CTNNBL1: variants seen among roughly 807,000 people sequenced by gnomAD.
CTNNBL1 encodes the protein catenin beta like 1, also known as beta-catenin-like protein 1.
In CTNNBL1, 31 loss-of-function variants were observed where a neutral mutation model predicts 72.7. The ratio of observed to expected loss-of-function variants is 0.43; its 90% CI spans 0.32 to 0.58. The LOEUF is 0.58. Ranked by LOEUF, CTNNBL1 falls within the 20% of genes least tolerant of loss-of-function variation. CTNNBL1 has a pLI of 0.08. For missense variants in CTNNBL1, 534 were observed against 725.1 expected, an observed-to-expected ratio of 0.74 and a Z score of 3.03; for synonymous variants, 240 against 267.3, an observed-to-expected ratio of 0.90 and a Z score of 1.00.
chr20:37,725,979 G>A (rs1043585079), intron 1 of CTNNBL1, among the ~76,000 whole-genome samples: 9 of 151,886 alleles, frequency 5.9e-5, no homozygotes, highest in African/African-American at 1.7e-4. Context: ...GTGAGGCTCC[G>A]TCTCAAAAAA....
chr20:37,812,083 A>G (rs2072016658), intron 11 of CTNNBL1, among the ~76,000 whole-genome samples: 1 of 152,164 alleles, frequency 6.6e-6, no homozygotes, highest in African/African-American at 2.4e-5. Context: ...CTGATTTCAA[A>G]CCCAGCAGTA....
chr20:37,848,989 T>C (rs2072371159), intron 13 of CTNNBL1, among the ~76,000 whole-genome samples: 1 of 152,206 alleles, frequency 6.6e-6, no homozygotes, highest in South Asian at 2.1e-4. Context: ...ACTGCCCATA[T>C]TAGGGCAGTT....
chr20:37,756,073 C>G (rs1377385293), intron 4 of CTNNBL1, among the ~76,000 whole-genome samples: 2 of 152,058 alleles, frequency 1.3e-5, no homozygotes, highest in African/African-American at 4.8e-5. Flanking sequence ...GTTTTGCTTT[C>G]TAGTCTCCCT....
At chr20:37,800,406 C>T (rs1381812501) in intron 10 of CTNNBL1, among the ~76,000 whole-genome samples, 1 of 152,202 alleles carries the variant, frequency 6.6e-6, no homozygotes, top group Admixed American at 6.5e-5. Flanking sequence ...TTACTTTTCA[C>T]TCCACTTCTG....
At chr20:37,784,237 G>A (rs1380932326) in intron 10 of CTNNBL1, among the ~76,000 whole-genome samples, 1 of 151,926 alleles carries the variant, frequency 6.6e-6, no homozygotes, top group Non-Finnish European at 1.5e-5. Flanking sequence ...GCCTATATGT[G>A]TCTTCATAGG....
intron 11 of CTNNBL1, among the ~76,000 whole-genome samples, chr20:37,827,280 G>T (rs1452258181): frequency 6.6e-6 from 1 of 152,054 alleles, no homozygotes; most frequent in Admixed American, 6.5e-5. Flanking sequence ...AACATTTTTT[G>T]TACAAGTTTT....
intron 2 of CTNNBL1, among the ~76,000 whole-genome samples, chr20:37,734,546 A>C (rs1374238911): frequency 2.6e-5 from 4 of 152,224 alleles, no homozygotes; most frequent in African/African-American, 9.7e-5. Flanking sequence ...GGGAGACAGA[A>C]ATGTAATGTG....
intron 1 of CTNNBL1, among the ~76,000 whole-genome samples, chr20:37,703,239 T>A (rs1427063123): frequency 3.3e-5 from 5 of 152,228 alleles, no homozygotes; most frequent in African/African-American, 1.2e-4. Flanking sequence ...ATTCGTGTAA[T>A]ACTAGTAACT....
intron 11 of CTNNBL1, among the ~76,000 whole-genome samples, chr20:37,811,922 G>A (rs906455145): frequency 5.3e-5 from 8 of 152,206 alleles, no homozygotes; most frequent in African/African-American, 1.4e-4. Flanking sequence ...CCAAAATACC[G>A]TTTAGCACAT....
intron 2 of CTNNBL1, among the ~76,000 whole-genome samples, chr20:37,736,728 G>T (rs2073174770): frequency 1.3e-5 from 2 of 151,792 alleles, no homozygotes; most frequent in African/African-American, 4.8e-5. Flanking sequence ...TGCCATGTTG[G>T]CCAGGCTGGT....
intron 4 of CTNNBL1, among the ~76,000 whole-genome samples, chr20:37,753,974 G>C (rs2073342547): frequency 6.6e-6 from 1 of 152,142 alleles, no homozygotes. Flanking sequence ...GGAAATAAAG[G>C]GGCTTGCACA....
chr20:37,785,714 A>ATC (rs539325268), intron 10 of CTNNBL1, among the ~76,000 whole-genome samples: 77 of 152,228 alleles, frequency 5.1e-4, no homozygotes, highest in Non-Finnish European at 1.0e-3. Flanking sequence ...AAGCTCACAT[A>ATC]TCTCTGTCTT....
At position 37,757,598 on chromosome 20, in the gene CTNNBL1, C is replaced by G. The variant is rs1254408001; in HGVS notation, c.506C>G (p.Thr169Arg). 3.0e-5 allele frequency: 49 copies of G among 1,613,842 alleles called. No individual in the cohort carries two copies. The highest frequency in any genetic ancestry group is 4.1e-5 in the Non-Finnish European group (48 of 1,179,772). The change falls in exon 5 of 16, where the codon ACA (threonine) becomes AGA (arginine). Residue 169 changes from threonine (T) to arginine (R), a missense_variant. Transcript: ENST00000361383. The part of the protein sequence containing the change: ...IAVVDLLQEL[T>R]DIDTLHESEE... ...GTGGTCGATTTGCTTCAGGAATTAA[C>G]AGATATAGACACCCTCCATGAGAGT...
rs1159850569 is a variant in CTNNBL1 at position 37,860,050 on chromosome 20, C to A, written c.1530+14C>A. On this transcript the variant is annotated intron_variant, in intron 14 of 15. Transcript: ENST00000361383. ...AATGTCCCCCAGGTAGGAGGGTCTT[C>A]CCCTGGATGGGCTTATCCATCCCTG... is the stretch of plus-strand genomic sequence containing the variant. 1.9e-6 allele frequency: 3 copies of A among 1,613,762 alleles called. No homozygotes were observed. In the South Asian group the frequency reaches 3.3e-5, roughly 18 times the overall value.
chr20:37,775,924 G>T (rs1003980202), intron 7 of CTNNBL1, among the ~76,000 whole-genome samples: 2 of 152,212 alleles, frequency 1.3e-5, no homozygotes, highest in African/African-American at 4.8e-5. Context: ...GTATAAGTTG[G>T]TGTGGCTTAA....
intron 13 of CTNNBL1, among the ~76,000 whole-genome samples, chr20:37,844,414 C>T (rs956866207): frequency 1.3e-5 from 2 of 152,120 alleles, no homozygotes; most frequent in Non-Finnish European, 2.9e-5. Context: ...AGTTAAACAA[C>T]GTTTGGTAAC....
intron 5 of CTNNBL1, among the ~76,000 whole-genome samples, chr20:37,759,265 G>C (rs553324998): frequency 1.3e-5 from 2 of 152,154 alleles, no homozygotes; most frequent in African/African-American, 4.8e-5. Flanking sequence ...TGTGGCACTT[G>C]CTCCTACTCT....
At chr20:37,740,495 T>G (rs1448449147) in intron 3 of CTNNBL1, among the ~76,000 whole-genome samples, 1 of 152,248 alleles carries the variant, frequency 6.6e-6, no homozygotes, top group Non-Finnish European at 1.5e-5. Flanking sequence ...TTGCACTGCC[T>G]GATCTTTCTC....
chr20:37,812,862 C>T (rs997973468), intron 11 of CTNNBL1, among the ~76,000 whole-genome samples: 24 of 152,148 alleles, frequency 1.6e-4, no homozygotes, highest in African/African-American at 2.9e-4. Context: ...AAGTATGAGG[C>T]GCTGTGGGAG....
Sources: allele counts gnomAD v4.1 joint callset (sites outside exome capture counted in the v4.1 genomes callset), GRCh38; gene constraint gnomAD v4.1.1; transcripts MANE v1.5; gene names NCBI Gene and HGNC (gene_info 2026-07-23, HGNC 2026-07-21).